Variants in DACH1 observed in about 807,000 individuals in gnomAD.
DACH1 encodes the protein dachshund family transcription factor 1, also known as dachshund homolog 1.
DACH1 carries 12 observed loss-of-function variants against 54.2 expected under a neutral mutation model. The observed-to-expected ratio is 0.22, with a 90% CI of 0.14 to 0.36. The LOEUF is 0.36. Ranked by LOEUF, DACH1 falls within the 10% of genes least tolerant of loss-of-function variation. The probability of loss-of-function intolerance (pLI) is 1.00; values close to 1 mark genes in which losing one functional copy is unlikely to be tolerated. For missense variants in DACH1, 805 were observed against 929.8 expected (o/e 0.87, Z 1.75); for synonymous variants, 386 against 366.2 (o/e 1.05, Z -0.62).
At chr13:71,483,574 T>C (rs1201065565) in intron 7 of DACH1, among the ~76,000 whole-genome samples, 3 of 147,752 alleles carry the variant, frequency 2.0e-5, no homozygotes, top group Non-Finnish European at 4.5e-5. Flanking sequence ...ATAATTAAAA[T>C]TATATATTAA....
At chr13:71,710,164 G>T (rs920241589) in intron 1 of DACH1, among the ~76,000 whole-genome samples, 3 of 152,122 alleles carry the variant, frequency 2.0e-5, no homozygotes, top group Admixed American at 2.0e-4. Context: ...TTTGTCTGAA[G>T]AGGGATTGAA....
intron 10 of DACH1, among the ~76,000 whole-genome samples, chr13:71,443,277 T>G (rs1874165500): frequency 6.6e-6 from 1 of 151,724 alleles, no homozygotes; most frequent in South Asian, 2.1e-4. Context: ...TAATAATGAT[T>G]ACTTGAAAGT....
In DACH1 at chr13:71,540,015, A is replaced by G. The variant is rs74095966; in HGVS notation, c.1570+17009T>C. 3.7e-3 allele frequency among the ~76,000 whole-genome samples: 558 copies of G among 152,128 alleles called. 4 individuals carry two copies. Among genetic ancestry groups the G allele is most frequent in the African/African-American group, 0.013 (527 of 41,538 alleles). ...TATTTCAGTATCAATAAAATGATCT[A>G]TCATTGGCATGAGATAAACTTTATG... On this transcript the variant is annotated intron_variant, in intron 6 of 10. Coordinates refer to ENST00000613252, the MANE Select transcript of DACH1 (RefSeq NM_080759.6).
intron 2 of DACH1, among the ~76,000 whole-genome samples, chr13:71,661,309 G>A (rs1196473008): frequency 6.6e-6 from 1 of 151,312 alleles, no homozygotes; most frequent in Non-Finnish European, 1.5e-5. Flanking sequence ...TTTTTATTAG[G>A]TAAAATATAA....
rs575569816 is a variant in DACH1, at chr13:71,667,094, G to T, written c.964+14701C>A. 8.5e-5 allele frequency among the ~76,000 whole-genome samples: 13 copies of T among 152,048 alleles called. 1 individual carries two copies. The South Asian group carries it at 2.7e-3, about 32-fold the overall frequency. On this transcript the variant is annotated intron_variant, in intron 2 of 10. Coordinates refer to ENST00000613252, the MANE Select transcript of DACH1 (RefSeq NM_080759.6). ...ATGTACACATGAAGGCCTATAACAA[G>T]GAATTTTCAATATTTTTTAAAGAGA...
At chr13:71,566,866 T>A (rs1566346691) in intron 4 of DACH1, among the ~76,000 whole-genome samples, 1 of 152,116 alleles carries the variant, frequency 6.6e-6, no homozygotes, top group African/African-American at 2.4e-5. Flanking sequence ...ACTTGGAGAT[T>A]TTTATGTTTG....
chr13:71,780,169 G>A (rs1886313480), intron 1 of DACH1, among the ~76,000 whole-genome samples: 1 of 152,112 alleles, frequency 6.6e-6, no homozygotes, highest in Admixed American at 6.6e-5. Context: ...ACATCAGCAA[G>A]GGAAAGAACG....
chr13:71,731,959 A>G (rs563860348), intron 1 of DACH1, among the ~76,000 whole-genome samples: 2 of 152,294 alleles, frequency 1.3e-5, no homozygotes, highest in South Asian at 4.1e-4. Context: ...TAGTCAACTA[A>G]AATCTTCAAA....
At chr13:71,594,903 C>A (rs1873984530) in intron 3 of DACH1, among the ~76,000 whole-genome samples, 1 of 152,068 alleles carries the variant, frequency 6.6e-6, no homozygotes, top group Non-Finnish European at 1.5e-5. Flanking sequence ...AAGTCCCAGG[C>A]CTCACAAGGC....
At chr13:71,829,426 T>A (rs567205177) in intron 1 of DACH1, among the ~76,000 whole-genome samples, 16 of 152,100 alleles carry the variant, frequency 1.1e-4, no homozygotes, top group Non-Finnish European at 1.6e-4. Flanking sequence ...AAATTTCATC[T>A]AAAACAAGAA....
At chr13:71,666,490 T>C (rs1879843067) in intron 2 of DACH1, among the ~76,000 whole-genome samples, 2 of 152,214 alleles carry the variant, frequency 1.3e-5, no homozygotes. Context: ...AGTAATATTC[T>C]CTTTGAATAT....
At chr13:71,541,456 T>C (rs1883121777) in intron 6 of DACH1, among the ~76,000 whole-genome samples, 1 of 152,124 alleles carries the variant, frequency 6.6e-6, no homozygotes, top group South Asian at 2.1e-4. Context: ...ACACCTTCAA[T>C]AAAAGTATCA....
At chr13:71,561,953 C>T (rs1007373871) in intron 4 of DACH1, among the ~76,000 whole-genome samples, 38 of 150,718 alleles carry the variant, frequency 2.5e-4, no homozygotes, top group Non-Finnish European at 3.0e-5. Flanking sequence ...ACATATATTC[C>T]ATGGAATTAA....
Position 71,866,529 on chromosome 13 carries a change from C to T in DACH1, c.241G>A (p.Gly81Ser), listed in dbSNP as rs587676590. The T allele has an allele frequency of 9.7e-7, 1 of 1,027,116 alleles. No homozygotes were observed. 63.6% of individuals were successfully genotyped at this position (1,027,116 alleles called of 1,614,324 possible). A position where few individuals can be genotyped will look rare whatever the true frequency, so the allele number is the denominator to read the frequency against. The change falls in exon 1 of 11, where the codon GGC (glycine) becomes AGC (serine). Residue 81 changes from glycine (G) to serine (S), a missense_variant. Physicochemically the swap from Gly to Ser is moderately conservative, Grantham distance 56 (BLOSUM62 0). Coordinates refer to ENST00000613252, the MANE Select transcript of DACH1 (RefSeq NM_080759.6). ...TSTGGGGGGG[G>S]SGGGGGSSGN... Reference sequence around the variant, plus strand: ...CTGCTGCCGCCGCCGCCTCCGCTGCCGCCGCCGCCGCCGCCGCCGCCGGTA... The same window carrying T: ...CTGCTGCCGCCGCCGCCTCCGCTGCTGCCGCCGCCGCCGCCGCCGCCGGTA...
intron 2 of DACH1, among the ~76,000 whole-genome samples, chr13:71,650,840 T>C (rs1234041128): frequency 8.5e-5 from 13 of 152,220 alleles, no homozygotes; most frequent in Non-Finnish European, 1.9e-4. Flanking sequence ...TACTTGATGT[T>C]AATAATTTTT....
chr13:71,860,163 T>A (rs1048179625), intron 1 of DACH1, among the ~76,000 whole-genome samples: 1 of 151,336 alleles, frequency 6.6e-6, no homozygotes, highest in Non-Finnish European at 1.5e-5. Flanking sequence ...AAACTACATA[T>A]ACTATATAAA....
At chr13:71,452,699 G>T (rs1875178972) in intron 10 of DACH1, among the ~76,000 whole-genome samples, 2 of 152,132 alleles carry the variant, frequency 1.3e-5, no homozygotes, top group South Asian at 4.1e-4. Flanking sequence ...GAAATACCAG[G>T]TTTGAAACTC....
At chr13:71,471,905 T>C (rs1429562531) in intron 10 of DACH1, among the ~76,000 whole-genome samples, 1 of 152,186 alleles carries the variant, frequency 6.6e-6, no homozygotes, top group Non-Finnish European at 1.5e-5. Flanking sequence ...TGTGCATATA[T>C]ATGTGTAGGG....
intron 1 of DACH1, among the ~76,000 whole-genome samples, chr13:71,714,329 T>TAAACA (rs200269145): frequency 0.046 from 6,957 of 151,808 alleles, 508 homozygotes; most frequent in African/African-American, 0.16. Flanking sequence ...CGGGGACAAT[T>TAAACA]AAACAAAACA....
Sources: gnomAD v4.1 joint callset for allele counts (sites outside exome capture counted in the v4.1 genomes callset) on GRCh38, gnomAD v4.1.1 for gene constraint, MANE v1.5 for transcripts, NCBI Gene and HGNC (gene_info 2026-07-23, HGNC 2026-07-21) for gene names.